Variants in PACSIN1 observed in about 807,000 individuals in gnomAD.
PACSIN1 encodes protein kinase C and casein kinase substrate in neurons protein 1.
A neutral mutation model predicts 59.5 loss-of-function variants in PACSIN1; 15 were observed. The ratio of observed to expected loss-of-function variants is 0.25; its 90% CI spans 0.17 to 0.39. PACSIN1 has a LOEUF of 0.39. Among genes scored for constraint, PACSIN1 ranks in the 10% least tolerant of loss-of-function variants. The probability of loss-of-function intolerance (pLI) is 1.00; values close to 1 mark genes in which losing one functional copy is unlikely to be tolerated. For synonymous variants in PACSIN1, 210 were observed against 220.6 expected, an observed-to-expected ratio of 0.95 and a Z score of 0.42; for missense variants, 420 against 580.2, an observed-to-expected ratio of 0.72 and a Z score of 2.84.
At chr6:34,512,758 C>A (rs1197535969) in intron 1 of PACSIN1, among the ~76,000 whole-genome samples, 1 of 152,248 alleles carries the variant, frequency 6.6e-6, no homozygotes, top group Non-Finnish European at 1.5e-5. Flanking sequence ...TAGAAGCGAA[C>A]TTGACTATGA....
Position 34,514,057 on chromosome 6 carries a change from G to A in PACSIN1, c.-63-12186G>A, listed in dbSNP as rs1767246842. Among the ~76,000 whole-genome samples, 1 of 152,240 alleles carries A rather than the reference G, an allele frequency of 6.6e-6. No homozygotes were observed. Among genetic ancestry groups the A allele is most frequent in the African/African-American group, 2.4e-5 (1 of 41,456 alleles). ...TGCGTATGCTGATATTAGTGTCACAGTTACGTGTGTGTGTGTTATAGGTGC... is the reference window on the plus strand; with the variant it reads ...TGCGTATGCTGATATTAGTGTCACAATTACGTGTGTGTGTGTTATAGGTGC... On this transcript the variant is annotated intron_variant, in intron 1 of 9. Transcript: ENST00000244458. This position sits in a 1 kb window ranked among gnomAD's most constrained non-coding sequence, Gnocchi z 4.4.
chr6:34,485,694 C>T (rs762356598), intron 1 of PACSIN1, among the ~76,000 whole-genome samples: 33 of 152,252 alleles, frequency 2.2e-4, no homozygotes, highest in Non-Finnish European at 4.3e-4. Flanking sequence ...AGGGAGTAGA[C>T]GTTGAGTGGA....
In PACSIN1 at chr6:34,524,226, A is replaced by AT. The variant is rs1767446024; in HGVS notation, c.-63-2017_-63-2016insT. On this transcript the variant is annotated intron_variant, in intron 1 of 9. Transcript: ENST00000244458. Reference sequence around the variant, plus strand: ...ATTGGGTATTTTGGCCTGACATACCAGGTCTCAGCTGTACTGTCCCTTCCC... The same window carrying AT: ...ATTGGGTATTTTGGCCTGACATACCATGGTCTCAGCTGTACTGTCCCTTCCC... 6.6e-5 allele frequency among the ~76,000 whole-genome samples: 10 copies of AT among 152,274 alleles called. No homozygotes were observed. The South Asian group carries it at 1.0e-3, about 16-fold the overall frequency.
chr6:34,522,714 A>G (rs1767414723), intron 1 of PACSIN1, among the ~76,000 whole-genome samples: 1 of 152,202 alleles, frequency 6.6e-6, no homozygotes, highest in South Asian at 2.1e-4. Flanking sequence ...CCAGGTCCAA[A>G]GGCCTGAGAA....
At chr6:34,517,027 C>T (rs1320020658) in intron 1 of PACSIN1, among the ~76,000 whole-genome samples, 1 of 152,150 alleles carries the variant, frequency 6.6e-6, no homozygotes, top group Non-Finnish European at 1.5e-5. Flanking sequence ...GTATCTCCAG[C>T]TGGCTGTCCA....
rs1231734696 is a variant in PACSIN1 at position 34,525,678 on chromosome 6, CA to C, written c.-63-564del. Among the ~76,000 whole-genome samples the C allele has an allele frequency of 1.3e-5, 2 of 152,112 alleles. No homozygotes were observed. Among genetic ancestry groups the C allele is most frequent in the Non-Finnish European group, 2.9e-5 (2 of 68,018 alleles). On this transcript the variant is annotated intron_variant, in intron 1 of 9. Transcript: ENST00000244458. The surrounding 1 kb of genome is among the most constrained non-coding windows in gnomAD (Gnocchi z 4.9). ...TGGGGGAAGGGAGGAGGGGAGTACC[CA>C]CCTCGGCCCTGGGGCAGCGCACGGC...
At position 34,525,255 on chromosome 6, in the gene PACSIN1, G is replaced by T. The variant is rs1767462530; in HGVS notation, c.-63-988G>T. Among the ~76,000 whole-genome samples, 1 of 152,242 alleles carries T rather than the reference G, an allele frequency of 6.6e-6. No homozygotes were observed. ...AAATATGTTTAGATGCCTGAGGGGT[G>T]CAAGAGGCAATACTGGGTTATTACT... On this transcript the variant is annotated intron_variant, in intron 1 of 9. Transcript: ENST00000244458. This position sits in a 1 kb window ranked among gnomAD's most constrained non-coding sequence, Gnocchi z 4.9.
intron 1 of PACSIN1, among the ~76,000 whole-genome samples, chr6:34,494,641 G>GCGCTCC (rs2127254673): frequency 6.6e-6 from 1 of 152,160 alleles, no homozygotes; most frequent in South Asian, 2.1e-4. Flanking sequence ...ATGGTGTCTG[G>GCGCTCC]CTGTGTTGCC....
chr6:34,478,663 A>C (rs1379600706), intron 1 of PACSIN1, among the ~76,000 whole-genome samples: 1 of 151,830 alleles, frequency 6.6e-6, no homozygotes, highest in Non-Finnish European at 1.5e-5. Context: ...GAGCCACCAC[A>C]CTCAGCCTAT....
chr6:34,521,681 C>T lies in PACSIN1; in HGVS notation c.-63-4562C>T, dbSNP rs1460125031. 1.3e-5 allele frequency among the ~76,000 whole-genome samples: 2 copies of T among 152,134 alleles called. No homozygotes were observed. Among genetic ancestry groups the T allele is most frequent in the African/African-American group, 4.8e-5 (2 of 41,420 alleles). ...CTGGCTCCACAGAGAGAGAGGGCCACCCCTGAGATGGAGCTGTTGCTCCAC... is the reference window on the plus strand; with the variant it reads ...CTGGCTCCACAGAGAGAGAGGGCCATCCCTGAGATGGAGCTGTTGCTCCAC... On this transcript the variant is annotated intron_variant, in intron 1 of 9. Transcript: ENST00000244458. This position sits in a 1 kb window ranked among gnomAD's most constrained non-coding sequence, Gnocchi z 4.3.
intron 1 of PACSIN1, among the ~76,000 whole-genome samples, chr6:34,480,630 TG>T (rs201497646): frequency 0.023 from 3,472 of 152,306 alleles, 138 homozygotes; most frequent in African/African-American, 0.074. Flanking sequence ...GTGTCTACTG[TG>T]AAAAGTTCTG....
intron 1 of PACSIN1, among the ~76,000 whole-genome samples, chr6:34,505,362 T>C (rs1767092621): frequency 6.6e-6 from 1 of 152,140 alleles, no homozygotes; most frequent in Non-Finnish European, 1.5e-5. Context: ...ACTTCTTAAA[T>C]CCATTGTTTG....
chr6:34,515,755 G>A lies in PACSIN1; in HGVS notation c.-63-10488G>A, dbSNP rs12216422. Among the ~76,000 whole-genome samples, 349 of 152,340 alleles carry A rather than the reference G, an allele frequency of 2.3e-3. 1 individual carries two copies. Among genetic ancestry groups the A allele is most frequent in the Non-Finnish European group, 3.8e-3 (258 of 68,018 alleles). ...TTGGGGTACCAGGGAGCAGGCCTCT[G>A]ATGGGGTGGGAGTGCCTGTGGCCCT... On this transcript the variant is annotated intron_variant, in intron 1 of 9. Transcript: ENST00000244458. This position sits in a 1 kb window ranked among gnomAD's most constrained non-coding sequence, Gnocchi z 4.4.
At chr6:34,492,062 C>CA (rs767908643) in intron 1 of PACSIN1, among the ~76,000 whole-genome samples, 15 of 152,124 alleles carry the variant, frequency 9.9e-5, no homozygotes, top group Non-Finnish European at 2.1e-4. Flanking sequence ...GGTCAAATGG[C>CA]AATTCTGTTT....
chr6:34,502,437 A>C (rs1767038288), intron 1 of PACSIN1, among the ~76,000 whole-genome samples: 1 of 151,528 alleles, frequency 6.6e-6, no homozygotes, highest in African/African-American at 2.4e-5. Context: ...GCTGAGGATA[A>C]GTCATGTAAA....
intron 1 of PACSIN1, among the ~76,000 whole-genome samples, chr6:34,489,054 C>T (rs957635035): frequency 1.3e-5 from 2 of 151,622 alleles, no homozygotes; most frequent in Non-Finnish European, 2.9e-5. Flanking sequence ...GGCGGCATGC[C>T]CCTGTAGTTC....
At position 34,529,791 on chromosome 6, in the gene PACSIN1, G is replaced by T; in HGVS notation, c.738G>T (p.Lys246Asn). The part of the protein sequence containing the change: ...QFEEKRLVFL[K>N]EVLLDIKRHL... ...AGGAAAAGCGGCTGGTCTTCCTCAA[G>T]GAGGTGCTGCTGGACATCAAACGGC... The change falls in exon 6 of 10, where the codon AAG becomes AAT. Residue 246 changes from lysine (K) to asparagine (N), a missense_variant. By Grantham distance (94) the Lys-to-Asn change is moderately conservative. Transcript: ENST00000244458. This position sits in a 1 kb window ranked among gnomAD's most constrained non-coding sequence, Gnocchi z 6.3. 6.2e-7 allele frequency: 1 copy of T among 1,614,002 alleles called. No individual in the cohort carries two copies. Among genetic ancestry groups the T allele is most frequent in the Middle Eastern group, 1.6e-4 (1 of 6,062 alleles).
Position 34,529,540 on chromosome 6 carries a change from G to T in PACSIN1, c.600G>T (p.Gln200His). The change falls in exon 5 of 10, where the codon CAG becomes CAT. Residue 200 changes from glutamine (Q) to histidine (H), a missense_variant. Gln to His is a conservative substitution (Grantham distance 24). Coordinates refer to ENST00000244458, the MANE Select transcript of PACSIN1 (RefSeq NM_020804.5). This position sits in a 1 kb window ranked among gnomAD's most constrained non-coding sequence, Gnocchi z 6.3. ...AGGACAAAGTGGACAAGTGCAAGCA[G>T]GATGTGCAGAAGGTGCTGGCGGGCA... ...KLQDKVDKCK[Q>H]DVQKTQEKYE... 13 of 1,614,156 alleles carry T rather than the reference G, an allele frequency of 8.1e-6. No homozygotes were observed. The highest frequency in any genetic ancestry group is 1.1e-5 in the Non-Finnish European group (13 of 1,180,020).
chr6:34,497,560 A>G (rs373735539), intron 1 of PACSIN1, among the ~76,000 whole-genome samples: 1 of 152,098 alleles, frequency 6.6e-6, no homozygotes, highest in South Asian at 2.1e-4. Context: ...AATCCCCTCC[A>G]AGGGTGTGCG....
Sources: gnomAD v4.1 joint callset for allele counts (sites outside exome capture counted in the v4.1 genomes callset) on GRCh38, gnomAD v4.1.1 for gene constraint, Gnocchi (gnomAD v3.1) non-coding constraint, MANE v1.5 for transcripts, NCBI Gene and HGNC (gene_info 2026-07-23, HGNC 2026-07-21) for gene names.